MED24: variants seen among roughly 807,000 people sequenced by gnomAD.
MED24 encodes mediator complex subunit 24, also known as mediator of RNA polymerase II transcription subunit 24.
Under a neutral mutation model 118.8 loss-of-function variants are expected in MED24, and 74 were observed. The observed-to-expected ratio is 0.62, with a 90% CI of 0.52 to 0.76. The LOEUF (loss-of-function observed/expected upper bound fraction) is 0.76, where lower values mean the gene tolerates loss of function less well. Ranked by LOEUF, MED24 falls within the 30% of genes least tolerant of loss-of-function variation. The pLI, the probability that MED24 is intolerant of heterozygous loss-of-function variation, is 0.00. For synonymous variants in MED24, 521 were observed against 523.9 expected, an observed-to-expected ratio of 0.99 and a Z score of 0.08; for missense variants, 1,041 against 1,278.9, an observed-to-expected ratio of 0.81 and a Z score of 2.84.
At chr17:40,039,823 G>A (rs531965028) in intron 3 of MED24, among the ~76,000 whole-genome samples, 66 of 135,420 alleles carry the variant, frequency 4.9e-4, no homozygotes, top group Admixed American at 1.3e-3. Context: ...TTGCTCTCTC[G>A]CCCAGGCTGG....
chr17:40,041,113 C>T (rs1984521846), intron 3 of MED24, among the ~76,000 whole-genome samples: 1 of 152,154 alleles, frequency 6.6e-6, no homozygotes, highest in South Asian at 2.1e-4. Context: ...TCAACGCACT[C>T]CAATCACTTC....
chr17:40,049,876 G>T (rs561606722), intron 3 of MED24, among the ~76,000 whole-genome samples: 1 of 151,714 alleles, frequency 6.6e-6, no homozygotes, highest in Non-Finnish European at 1.5e-5. Context: ...CAGGCTGGGC[G>T]TGGTGGCTCA....
intron 3 of MED24, among the ~76,000 whole-genome samples, 159 bp from the exon 4 acceptor site, chr17:40,036,313 G>A (rs1983924681): frequency 6.6e-6 from 1 of 152,150 alleles, no homozygotes; most frequent in Non-Finnish European, 1.5e-5. Context: ...ACTGTGCACT[G>A]CCCTGTTCCT....
intron 3 of MED24, among the ~76,000 whole-genome samples, chr17:40,038,823 C>T (rs1425767456): frequency 6.6e-6 from 1 of 152,112 alleles, no homozygotes; most frequent in African/African-American, 2.4e-5. Context: ...CTCTGTTCAG[C>T]CATCTTTCAC....
rs751913595 is a variant in MED24, at chr17:40,027,006, G to C, written c.1559C>G (p.Ala520Gly). 1 of 1,614,026 alleles carries C rather than the reference G, an allele frequency of 6.2e-7. No individual in the cohort carries two copies. Among genetic ancestry groups the C allele is most frequent in the African/African-American group, 1.3e-5 (1 of 74,934 alleles). ...EVILSESRTG[A>G]EVPFFETWMQ... ...CCAGGTCTCGAAGAAGGGCACCTCA[G>C]CTCCTGTGCGCGACTCGGACAGAAT... Residue 520 changes from alanine (A) to glycine (G), a missense_variant, in exon 17 of 26, where the codon GCT (alanine) becomes GGT (glycine). This residue lies in a region of MED24 where 587 missense variants were observed against 694.4 expected (regional missense o/e 0.85). Coordinates refer to ENST00000394128, the MANE Select transcript of MED24 (RefSeq NM_014815.4).
chr17:40,053,731 A>C (rs1986071025), intron 1 of MED24, 96 bp from the exon 2 acceptor site: 2 of 1,485,568 alleles, frequency 1.3e-6, no homozygotes, highest in Admixed American at 3.6e-5. Context: ...AGATGCGGGA[A>C]GATTTAAGCG....
At chr17:40,048,892 C>A (rs1011606654) in intron 3 of MED24, among the ~76,000 whole-genome samples, 2 of 152,058 alleles carry the variant, frequency 1.3e-5, no homozygotes, top group African/African-American at 4.8e-5. Context: ...GAAATTTATT[C>A]TGAGTCAAAT....
rs747992310 is a variant in MED24, at chr17:40,023,394, C to G, written c.1987G>C (p.Val663Leu). 2.8e-5 allele frequency: 45 copies of G among 1,584,880 alleles called. No homozygotes were observed. The highest frequency in any genetic ancestry group is 3.4e-5 in the Non-Finnish European group (39 of 1,163,358). The change falls in exon 20 of 26, where the codon GTG becomes CTG. Residue 663 changes from valine to leucine, a missense_variant and splice_region_variant. By Grantham distance (32) the Val-to-Leu change is conservative (BLOSUM62 1). Around this residue, in one of 3 missense-constraint regions of MED24, gnomAD observed 587 missense variants for 694.4 expected, o/e 0.85. Transcript: ENST00000394128. ...ENTLQFYNERVVIMNSILERM... is the reference protein window; with the variant it reads ...ENTLQFYNERLVIMNSILERM... Reference sequence around the variant, plus strand: ...TCCAGGATCGAGTTCATGATCACCACCCTGGGGGAGGGCCGAGAGAACCTG... The same window carrying G: ...TCCAGGATCGAGTTCATGATCACCAGCCTGGGGGAGGGCCGAGAGAACCTG...
At chr17:40,043,901 A>AC (rs1984848037) in intron 3 of MED24, among the ~76,000 whole-genome samples, 1 of 150,754 alleles carries the variant, frequency 6.6e-6, no homozygotes, top group African/African-American at 2.4e-5. Context: ...AAAAAAAAAA[A>AC]AAACAAAGAT....
At chr17:40,035,042 G>GCCTCT in intron 6 of MED24, 75 bp downstream of exon 6, 2 of 1,608,812 alleles carry the variant, frequency 1.2e-6, no homozygotes, top group South Asian at 2.2e-5. Flanking sequence ...ATGGCATCCT[G>GCCTCT]CCTCTCCCTT....
chr17:40,033,353 G>A lies in MED24; in HGVS notation c.663C>T (p.Leu221=), dbSNP rs1983602930. The A allele has an allele frequency of 6.2e-7, 1 of 1,613,198 alleles. No homozygotes were observed. Among genetic ancestry groups the A allele is most frequent in the Non-Finnish European group, 8.5e-7 (1 of 1,179,662 alleles). Residue 221 remains leucine, a synonymous_variant, in exon 7 of 26, where the codon CTC becomes CTT. Transcript: ENST00000394128. This position sits in a 1 kb window ranked among gnomAD's most constrained non-coding sequence, Gnocchi z 5.2. The part of the protein sequence containing the change: ...LRSQAEQCGT[L]IRSIPTMLSV... ...CCCCAGGGAGCCGGTACCTCCTAAT[G>A]AGGGTGCCACACTGCTCGGCCTGAC...
rs1463441231 is a variant in MED24 at position 40,019,343 on chromosome 17, GAA to G, written c.*184_*185del. On this transcript the variant is annotated 3_prime_UTR_variant, in exon 26 of 26. Coordinates refer to ENST00000394128, the MANE Select transcript of MED24 (RefSeq NM_014815.4). ...TGCCAGCAGATGGAGAGGAAATTTT[GAA>G]AGAAGAAACCGGGAGACATCCTGGA... 5.0e-6 allele frequency: 3 copies of G among 596,096 alleles called. No homozygotes were observed. The African/African-American group carries it at 5.7e-5, about 11-fold the overall frequency. The allele number at this position is 596,096 out of a possible 1,614,324, so 36.9% of individuals were successfully genotyped here. A position where few individuals can be genotyped will look rare whatever the true frequency, so the allele number is the denominator to read the frequency against.
chr17:40,049,674 T>G (rs1293266899), intron 3 of MED24, among the ~76,000 whole-genome samples: 1 of 151,754 alleles, frequency 6.6e-6, no homozygotes, highest in Non-Finnish European at 1.5e-5. Flanking sequence ...TTACAGGCAC[T>G]CGCCACCATG....
intron 19 of MED24, among the ~76,000 whole-genome samples, chr17:40,025,499 A>G (rs991526112): frequency 2.0e-5 from 3 of 152,208 alleles, no homozygotes; most frequent in African/African-American, 7.2e-5. Context: ...TCCTAGACAC[A>G]CAAAGTAAAA....
At chr17:40,025,925 T>G (rs1037701952) in intron 19 of MED24, among the ~76,000 whole-genome samples, 3 of 151,868 alleles carry the variant, frequency 2.0e-5, no homozygotes, top group South Asian at 2.1e-4. Flanking sequence ...AGACCCTGTT[T>G]AGGGTCTGCA....
chr17:40,026,183 T>C lies in MED24; in HGVS notation c.1958A>G (p.Glu653Gly). The C allele has an allele frequency of 6.2e-7, 1 of 1,614,190 alleles. No homozygotes were observed. Among genetic ancestry groups the C allele is most frequent in the Non-Finnish European group, 8.5e-7 (1 of 1,180,016 alleles). ...CTCATTGTAGAACTGCAGGGTGTTC[T>C]CACTAAACAGTGGCCCTGCCAGCTG... is the stretch of plus-strand genomic sequence containing the variant. ...IRQLAGPLFS[E>G]NTLQFYNERV... The change falls in exon 19 of 26, where the codon GAG becomes GGG. Residue 653 changes from glutamate to glycine, a missense_variant. This residue lies in a region of MED24 where 587 missense variants were observed against 694.4 expected (regional missense o/e 0.85). Coordinates refer to ENST00000394128, the MANE Select transcript of MED24 (RefSeq NM_014815.4).
intron 19 of MED24, 116 bp downstream of exon 19, chr17:40,026,040 G>T: frequency 9.7e-7 from 1 of 1,034,700 alleles, no homozygotes; most frequent in Non-Finnish European, 1.4e-6. Context: ...GAAAGTGAGT[G>T]AGTGATCAAG....
chr17:40,035,763 C>T lies in MED24; in HGVS notation c.285G>A (p.Gln95=). Residue 95 remains glutamine, a synonymous_variant, in exon 5 of 26, where the codon CAG becomes CAA. Coordinates refer to ENST00000394128, the MANE Select transcript of MED24 (RefSeq NM_014815.4). ...FDDFSRDLCV[Q]ALLDIMDMFC... is the part of the protein sequence containing the mutation. ...ACATGTCCATGATGTCCAGCAATGC[C>T]TGGACACACAGGTCCCGAGAAAAGT... 1 of 1,614,148 alleles carries T rather than the reference C, an allele frequency of 6.2e-7. No individual in the cohort carries two copies. The highest frequency in any genetic ancestry group is 8.5e-7 in the Non-Finnish European group (1 of 1,180,044).
intron 3 of MED24, among the ~76,000 whole-genome samples, chr17:40,050,550 A>G (rs1985726624): frequency 6.6e-6 from 1 of 152,250 alleles, no homozygotes; most frequent in Middle Eastern, 3.4e-3. Flanking sequence ...AAAGTCAAGG[A>G]GGTTGCAGTG....
Sources: gnomAD v4.1 joint callset for allele counts (sites outside exome capture counted in the v4.1 genomes callset) on GRCh38, gnomAD v4.1.1 for gene constraint, gnomAD v4.1.1 regional missense constraint, Gnocchi (gnomAD v3.1) non-coding constraint, MANE v1.5 for transcripts, NCBI Gene and HGNC (gene_info 2026-07-23, HGNC 2026-07-21) for gene names.